The following CTNNA3 variants were observed in gnomAD, a reference collection of about 807,000 sequenced individuals.
CTNNA3 encodes the protein catenin alpha-3.
CTNNA3 carries 76 observed loss-of-function variants against 95.7 expected under a neutral mutation model. That is an observed-to-expected ratio of 0.79 (90% CI 0.66 to 0.96). CTNNA3 has a LOEUF of 0.96. CTNNA3 is among the 40% of genes least tolerant of loss of function. The probability of loss-of-function intolerance (pLI) is 0.00; values close to 1 mark genes in which losing one functional copy is unlikely to be tolerated. For missense variants in CTNNA3, 1,191 were observed against 1,089.8 expected, an observed-to-expected ratio of 1.09 and a Z score of -1.31; for synonymous variants, 431 against 374.4, an observed-to-expected ratio of 1.15 and a Z score of -1.74.
At chr10:66,000,106 C>T (rs984877933) in intron 15 of CTNNA3, among the ~76,000 whole-genome samples, 7 of 151,916 alleles carry the variant, frequency 4.6e-5, no homozygotes, top group Non-Finnish European at 8.8e-5. Flanking sequence ...AATTTTAAAA[C>T]ATTATGGGTT....
At chr10:66,598,671 C>T (rs759760127) in intron 10 of CTNNA3, among the ~76,000 whole-genome samples, 2 of 151,708 alleles carry the variant, frequency 1.3e-5, no homozygotes, top group Non-Finnish European at 2.9e-5. Flanking sequence ...GAACAAAATA[C>T]TTAGGAATAA....
At chr10:66,246,798 A>G (rs886267935) in intron 13 of CTNNA3, among the ~76,000 whole-genome samples, 5 of 151,956 alleles carry the variant, frequency 3.3e-5, no homozygotes, top group Admixed American at 6.6e-5. Context: ...CATGTCTGCA[A>G]TCCCAGCACT....
chr10:66,391,024 C>G (rs1042922760), intron 11 of CTNNA3, among the ~76,000 whole-genome samples: 1 of 151,994 alleles, frequency 6.6e-6, no homozygotes, highest in African/African-American at 2.4e-5. Context: ...AAATAAAGCA[C>G]TTTGTATTTT....
At chr10:67,752,332 TAAG>T (rs1490346395) in intron 1 of CTNNA3, among the ~76,000 whole-genome samples, 6 of 152,068 alleles carry the variant, frequency 3.9e-5, no homozygotes, top group African/African-American at 7.2e-5. Flanking sequence ...CTCAAAATAT[TAAG>T]AGCCATTCCT....
chr10:66,471,738 C>A (rs772118474), intron 11 of CTNNA3, among the ~76,000 whole-genome samples: 23 of 151,644 alleles, frequency 1.5e-4, no homozygotes, highest in Non-Finnish European at 2.9e-4. Flanking sequence ...GCTCAGAAGT[C>A]ATTTTAAATT....
At chr10:66,158,269 T>C (rs1269188799) in intron 13 of CTNNA3, among the ~76,000 whole-genome samples, 2 of 152,162 alleles carry the variant, frequency 1.3e-5, no homozygotes, top group African/African-American at 4.8e-5. Context: ...TTTCCGATGT[T>C]ATCTTCTATA....
At chr10:67,101,611 A>G (rs72806610) in intron 7 of CTNNA3, among the ~76,000 whole-genome samples, 5,545 of 151,844 alleles carry the variant, frequency 0.037, 150 homozygotes, top group Non-Finnish European at 0.061. Context: ...ACAAAACTAT[A>G]CAGATTAATA....
chr10:67,343,940 T>C (rs1266891998), intron 5 of CTNNA3, among the ~76,000 whole-genome samples: 1 of 148,014 alleles, frequency 6.8e-6, no homozygotes, highest in African/African-American at 2.4e-5. Context: ...TATTATATTA[T>C]ATTAATTATA....
chr10:67,195,066 T>A (rs1863287079), intron 6 of CTNNA3, among the ~76,000 whole-genome samples: 1 of 151,420 alleles, frequency 6.6e-6, no homozygotes, highest in Non-Finnish European at 1.5e-5. Context: ...TGGTGGCCAC[T>A]AACCAAAATC....
intron 1 of CTNNA3, among the ~76,000 whole-genome samples, chr10:67,682,647 TG>T (rs1236617574): frequency 6.6e-6 from 1 of 152,218 alleles, no homozygotes; most frequent in Middle Eastern, 3.2e-3. Context: ...TGTGTACTCT[TG>T]AATATTTCCA....
At chr10:66,057,985 A>T (rs2080119541) in intron 15 of CTNNA3, among the ~76,000 whole-genome samples, 1 of 152,210 alleles carries the variant, frequency 6.6e-6, no homozygotes. Flanking sequence ...AGTTTAAATC[A>T]TAAGACATAG....
At chr10:67,210,647 C>A (rs1285348792) in intron 6 of CTNNA3, among the ~76,000 whole-genome samples, 5 of 151,764 alleles carry the variant, frequency 3.3e-5, no homozygotes, top group African/African-American at 7.2e-5. Context: ...ATTTTGGATC[C>A]ATTTTTCCAT....
At chr10:67,693,566 C>T (rs573762713) in intron 1 of CTNNA3, among the ~76,000 whole-genome samples, 1 of 152,060 alleles carries the variant, frequency 6.6e-6, no homozygotes, top group Admixed American at 6.5e-5. Context: ...AAACTCCCAT[C>T]CTTCTGTAGC....
chr10:66,492,238 T>C (rs946546214), intron 11 of CTNNA3, among the ~76,000 whole-genome samples: 1 of 152,128 alleles, frequency 6.6e-6, no homozygotes, highest in African/African-American at 2.4e-5. Context: ...GAAAATACAC[T>C]TATTATAGGA....
chr10:67,085,541 A>G (rs1857257499), intron 7 of CTNNA3, among the ~76,000 whole-genome samples: 1 of 151,966 alleles, frequency 6.6e-6, no homozygotes, highest in Non-Finnish European at 1.5e-5. Flanking sequence ...TTAGAAGTTG[A>G]TCTTTATTAA....
At chr10:66,083,605 G>A (rs1000270066) in intron 14 of CTNNA3, among the ~76,000 whole-genome samples, 2 of 152,196 alleles carry the variant, frequency 1.3e-5, no homozygotes, top group South Asian at 4.1e-4. Flanking sequence ...GCAGACAGAT[G>A]CAGAGTGATA....
chr10:66,423,954 T>C (rs564187686), intron 11 of CTNNA3, among the ~76,000 whole-genome samples: 10 of 152,238 alleles, frequency 6.6e-5, no homozygotes, highest in South Asian at 2.1e-4. Context: ...AATGTTGTTA[T>C]TACTACTAGT....
chr10:67,326,089 C>T (rs1841527637), intron 5 of CTNNA3, among the ~76,000 whole-genome samples: 1 of 152,034 alleles, frequency 6.6e-6, no homozygotes, highest in African/African-American at 2.4e-5. Context: ...GTATATTTTT[C>T]TCTATCCCTT....
chr10:67,037,833 T>G (rs12098242), intron 7 of CTNNA3, among the ~76,000 whole-genome samples: 2,732 of 152,224 alleles, frequency 0.018, 77 homozygotes, highest in African/African-American at 0.061. Flanking sequence ...ATTTGAGATG[T>G]ATTGGTAAAT....
Sources: gnomAD v4.1 joint callset for allele counts (sites outside exome capture counted in the v4.1 genomes callset) on GRCh38, gnomAD v4.1.1 for gene constraint, MANE v1.5 for transcripts, NCBI Gene and HGNC (gene_info 2026-07-23, HGNC 2026-07-21) for gene names.